Variants in EPS15 observed in about 807,000 individuals in gnomAD.
The protein encoded by EPS15 is epidermal growth factor receptor pathway substrate 15.
In EPS15, 72 loss-of-function variants were observed where a neutral mutation model predicts 113.8. The ratio of observed to expected loss-of-function variants is 0.63; its 90% CI spans 0.52 to 0.77. EPS15 has a LOEUF of 0.77. Ranked by LOEUF, EPS15 falls within the 30% of genes least tolerant of loss-of-function variation. The probability of loss-of-function intolerance (pLI) is 0.00; values close to 1 mark genes in which losing one functional copy is unlikely to be tolerated. For synonymous variants in EPS15, 344 were observed against 363.4 expected, an observed-to-expected ratio of 0.95 and a Z score of 0.61; for missense variants, 1,048 against 1,045.8, an observed-to-expected ratio of 1.00 and a Z score of -0.03.
chr1:51,509,532 A>G (rs770989590), intron 1 of EPS15, among the ~76,000 whole-genome samples: 3 of 152,162 alleles, frequency 2.0e-5, no homozygotes, highest in Admixed American at 6.6e-5. Flanking sequence ...TTAGTCAATA[A>G]AAGTCTATTT....
chr1:51,356,636 T>G lies in EPS15; in HGVS notation c.*64A>C, dbSNP rs1231961215. The G allele has an allele frequency of 1.4e-6, 2 of 1,430,438 alleles. No homozygotes were observed. The highest frequency in any genetic ancestry group is 2.4e-5 in the East Asian group (1 of 41,266). 88.6% of individuals were successfully genotyped at this position (1,430,438 alleles called of 1,614,324 possible). ...GCTCACAGGTAGTTTTGATACACAT[T>G]GTAAATAGTTTCAGTATTCAGGAAG... On this transcript the variant is annotated 3_prime_UTR_variant, in exon 25 of 25. Transcript: ENST00000371733.
chr1:51,359,955 TACAGTGGCATGATC>T (rs1269234252), intron 24 of EPS15, among the ~76,000 whole-genome samples: 1 of 151,896 alleles, frequency 6.6e-6, no homozygotes, highest in Non-Finnish European at 1.5e-5. Flanking sequence ...CAGGCTGAAG[TACAGTGGCATGATC>T]ACAGCTCACT....
intron 15 of EPS15, among the ~76,000 whole-genome samples, chr1:51,407,077 T>C (rs1236858935): frequency 6.6e-6 from 1 of 152,226 alleles, no homozygotes; most frequent in Non-Finnish European, 1.5e-5. Flanking sequence ...GGATTTTAGA[T>C]GTAGCTCTTT....
intron 1 of EPS15, among the ~76,000 whole-genome samples, chr1:51,499,350 ATT>A (rs535240313): frequency 6.6e-6 from 1 of 151,294 alleles, no homozygotes; most frequent in Non-Finnish European, 1.5e-5. Context: ...CATGCACCAC[ATT>A]TTTTTTTAAT....
chr1:51,479,109 T>G (rs1643971793), intron 2 of EPS15, among the ~76,000 whole-genome samples: 1 of 152,220 alleles, frequency 6.6e-6, no homozygotes. Context: ...AGACGTAGAT[T>G]TGGTCTTTTT....
chr1:51,499,674 T>C (rs1323400604), intron 1 of EPS15, among the ~76,000 whole-genome samples: 1 of 151,830 alleles, frequency 6.6e-6, no homozygotes, highest in Non-Finnish European at 1.5e-5. Context: ...TGATTATAAT[T>C]TGCATTTCCC....
chr1:51,370,509 C>T (rs7355140), intron 21 of EPS15, among the ~76,000 whole-genome samples: 1 of 152,022 alleles, frequency 6.6e-6, no homozygotes, highest in East Asian at 1.9e-4. Context: ...TTTTTCAGAC[C>T]TTGGATGCTC....
intron 8 of EPS15, among the ~76,000 whole-genome samples, chr1:51,452,490 C>T (rs1054639519): frequency 3.3e-5 from 5 of 152,102 alleles, no homozygotes; most frequent in African/African-American, 1.2e-4. Flanking sequence ...CACTACGTTG[C>T]TCAGGTTGGT....
intron 21 of EPS15, among the ~76,000 whole-genome samples, chr1:51,378,447 A>G (rs1042762256): frequency 6.6e-6 from 1 of 152,136 alleles, no homozygotes; most frequent in Non-Finnish European, 1.5e-5. Flanking sequence ...GCTTGAGCCC[A>G]GGAATTCAAG....
chr1:51,452,857 G>A (rs910087368), intron 8 of EPS15, among the ~76,000 whole-genome samples: 8 of 152,270 alleles, frequency 5.3e-5, no homozygotes, highest in African/African-American at 1.9e-4. Flanking sequence ...TACCTGGACA[G>A]CATGATAAAG....
At chr1:51,434,732 C>A (rs572800247) in intron 12 of EPS15, among the ~76,000 whole-genome samples, 1 of 152,104 alleles carries the variant, frequency 6.6e-6, no homozygotes, top group African/African-American at 2.4e-5. Context: ...AGTGCAGTGG[C>A]GTAATCTCGG....
intron 12 of EPS15, among the ~76,000 whole-genome samples, chr1:51,430,320 G>T (rs1232113497): frequency 6.6e-6 from 1 of 152,030 alleles, no homozygotes; most frequent in South Asian, 2.1e-4. Flanking sequence ...TTTAATCCCA[G>T]CACTTTGGGA....
chr1:51,381,670 T>C (rs1646944978), intron 21 of EPS15, among the ~76,000 whole-genome samples: 1 of 152,030 alleles, frequency 6.6e-6, no homozygotes, highest in Admixed American at 6.6e-5. Flanking sequence ...GAAGCAAAAC[T>C]AGACGACCTA....
chr1:51,382,349 C>T (rs912609717), intron 21 of EPS15: 4 of 151,772 alleles, frequency 2.6e-5, no homozygotes, highest in Non-Finnish European at 4.4e-5. Context: ...TAGAAAGATA[C>T]AGGGAAGGTT....
At chr1:51,459,360 G>A (rs1429466309) in intron 8 of EPS15, among the ~76,000 whole-genome samples, 2 of 151,968 alleles carry the variant, frequency 1.3e-5, no homozygotes, top group Admixed American at 1.3e-4. Context: ...AGCCAGATGT[G>A]GTGGTGCACT....
chr1:51,358,201 G>A (rs1008013158), intron 24 of EPS15, among the ~76,000 whole-genome samples: 18 of 152,060 alleles, frequency 1.2e-4, no homozygotes, highest in Non-Finnish European at 2.5e-4. Context: ...CTACCTGGGA[G>A]GATCACCTGA....
intron 9 of EPS15, 50 bp from the exon 10 acceptor site, chr1:51,447,155 G>A: frequency 6.6e-7 from 1 of 1,508,302 alleles, no homozygotes; most frequent in Non-Finnish European, 9.0e-7. Flanking sequence ...AACAAACTTT[G>A]AAGTGTCACT....
chr1:51,372,802 C>T (rs1226116687), intron 21 of EPS15: 1 of 436,100 alleles, frequency 2.3e-6, no homozygotes, highest in Middle Eastern at 8.5e-4. Context: ...ATCAAAGATG[C>T]TACAGTGGAC....
intron 24 of EPS15, 110 bp downstream of exon 24, chr1:51,361,061 T>C (rs751949926): frequency 6.4e-5 from 51 of 794,472 alleles, no homozygotes; most frequent in Non-Finnish European, 1.0e-4. Context: ...AGATCATTTT[T>C]AGTATCTTGG....
Sources: gnomAD v4.1 joint callset for allele counts (sites outside exome capture counted in the v4.1 genomes callset) on GRCh38, gnomAD v4.1.1 for gene constraint, MANE v1.5 for transcripts, NCBI Gene and HGNC (gene_info 2026-07-23, HGNC 2026-07-21) for gene names.